The following PLCB1 variants were observed in gnomAD, a reference collection of about 807,000 sequenced individuals.
PLCB1 encodes phospholipase C beta 1.
In PLCB1, 46 loss-of-function variants were observed where a neutral mutation model predicts 161.8. The ratio of observed to expected loss-of-function variants is 0.28; its 90% CI spans 0.22 to 0.36. The LOEUF is 0.36. Among genes scored for constraint, PLCB1 ranks in the 10% least tolerant of loss-of-function variants. The probability of loss-of-function intolerance (pLI) is 1.00; values close to 1 mark genes in which losing one functional copy is unlikely to be tolerated. For synonymous variants in PLCB1, 517 were observed against 503.7 expected, an observed-to-expected ratio of 1.03 and a Z score of -0.35; for missense variants, 1,016 against 1,472.5, an observed-to-expected ratio of 0.69 and a Z score of 5.07.
At chr20:8,803,264 C>T (rs912045304) in intron 31 of PLCB1, among the ~76,000 whole-genome samples, 3 of 151,740 alleles carry the variant, frequency 2.0e-5, no homozygotes, top group African/African-American at 7.3e-5. Context: ...CTAAGTAGCT[C>T]CCAGGGGATG....
At chr20:8,686,124 G>A (rs6056006) in intron 10 of PLCB1, among the ~76,000 whole-genome samples, 75,532 of 151,984 alleles carry the variant, frequency 0.5, 19,694 homozygotes, top group South Asian at 0.58. Context: ...CACAGATCTT[G>A]CTAGTGACTT....
intron 2 of PLCB1, among the ~76,000 whole-genome samples, chr20:8,163,210 A>G (rs1370345489): frequency 6.6e-6 from 1 of 152,222 alleles, no homozygotes. Context: ...ACCATGGTGT[A>G]CAAGTGAAGC....
At chr20:8,438,829 T>G (rs1980422732) in intron 3 of PLCB1, among the ~76,000 whole-genome samples, 1 of 152,196 alleles carries the variant, frequency 6.6e-6, no homozygotes, top group Non-Finnish European at 1.5e-5. Flanking sequence ...CCTCAGAAAG[T>G]GGCCACTGGT....
intron 4 of PLCB1, chr20:8,628,647 C>G: frequency 1.9e-6 from 1 of 520,448 alleles, no homozygotes; most frequent in Non-Finnish European, 3.4e-6. Context: ...AAAGAATAAG[C>G]CATTTGGCCG....
intron 2 of PLCB1, among the ~76,000 whole-genome samples, chr20:8,196,717 G>A (rs907584418): frequency 6.6e-6 from 1 of 151,284 alleles, no homozygotes; most frequent in Non-Finnish European, 1.5e-5. Flanking sequence ...TGTGCACAAC[G>A]TGCAGGTTTG....
At chr20:8,521,454 A>G (rs959958958) in intron 3 of PLCB1, among the ~76,000 whole-genome samples, 3 of 152,204 alleles carry the variant, frequency 2.0e-5, no homozygotes, top group Admixed American at 6.5e-5. Context: ...CTGTAATCCC[A>G]GCACTTTGAG....
rs1203817532 is a variant in PLCB1 at position 8,654,624 on chromosome 20, CAAAG to C, written c.595-2556_595-2553del. Among the ~76,000 whole-genome samples the C allele has an allele frequency of 2.0e-5, 3 of 151,952 alleles. No individual in the cohort carries two copies. The South Asian group carries it at 6.2e-4, about 31-fold the overall frequency. ...GATAGATAAAGGGAGACTGTGAACA[CAAAG>C]AAAAAGTAGTGTCATGTCTAGCTGA... On this transcript the variant is annotated intron_variant, in intron 7 of 31. Coordinates refer to ENST00000338037, the MANE Select transcript of PLCB1 (RefSeq NM_015192.4).
intron 1 of PLCB1, among the ~76,000 whole-genome samples, chr20:8,139,087 T>G (rs2051377032): frequency 7.8e-6 from 1 of 128,860 alleles, no homozygotes; most frequent in Non-Finnish European, 1.6e-5. Flanking sequence ...AAGGGTTTTT[T>G]TTTTTTTTTT....
At chr20:8,674,635 C>T (rs566927116) in intron 9 of PLCB1, among the ~76,000 whole-genome samples, 1 of 152,264 alleles carries the variant, frequency 6.6e-6, no homozygotes, top group African/African-American at 2.4e-5. Flanking sequence ...CTTGGGAATA[C>T]CAGCAGCAAC....
At chr20:8,786,377 T>C (rs985365187) in intron 27 of PLCB1, among the ~76,000 whole-genome samples, 6 of 152,216 alleles carry the variant, frequency 3.9e-5, no homozygotes, top group African/African-American at 1.4e-4. Flanking sequence ...CAATCCCTTT[T>C]GAATGATCAA....
At chr20:8,326,963 G>A (rs1342592434) in intron 2 of PLCB1, among the ~76,000 whole-genome samples, 1 of 152,210 alleles carries the variant, frequency 6.6e-6, no homozygotes, top group Admixed American at 6.5e-5. Context: ...ATGATTCACT[G>A]TAGCCCCAAC....
chr20:8,233,801 T>G (rs1213266255), intron 2 of PLCB1, among the ~76,000 whole-genome samples: 1 of 152,178 alleles, frequency 6.6e-6, no homozygotes, highest in Non-Finnish European at 1.5e-5. Flanking sequence ...AGATAAGCTG[T>G]GCCTGTTTTA....
chr20:8,571,850 G>A (rs934920194), intron 3 of PLCB1, among the ~76,000 whole-genome samples: 1 of 152,118 alleles, frequency 6.6e-6, no homozygotes, highest in African/African-American at 2.4e-5. Context: ...TAGTCATTAG[G>A]GCTGATTACA....
chr20:8,421,957 G>A (rs1979554541), intron 3 of PLCB1, among the ~76,000 whole-genome samples: 1 of 152,182 alleles, frequency 6.6e-6, no homozygotes, highest in South Asian at 2.1e-4. Flanking sequence ...GACCTGCTGA[G>A]GAAATGTCTT....
chr20:8,634,539 G>A lies in PLCB1; in HGVS notation c.384+6108G>A, dbSNP rs139974956. Among the ~76,000 whole-genome samples the A allele has an allele frequency of 2.7e-3, 413 of 152,194 alleles. 2 individuals carry two copies. Among genetic ancestry groups the A allele is most frequent in the African/African-American group, 9.5e-3 (395 of 41,516 alleles). On this transcript the variant is annotated intron_variant, in intron 4 of 31. Transcript: ENST00000338037. ...TGCTCCCCATTCTTCCTGCCATCTT[G>A]TTAAGCCCTTGACAGGTCTCATGGA...
At chr20:8,263,503 C>G (rs1981811107) in intron 2 of PLCB1, among the ~76,000 whole-genome samples, 1 of 152,046 alleles carries the variant, frequency 6.6e-6, no homozygotes, top group Non-Finnish European at 1.5e-5. Flanking sequence ...TAATTCTTTC[C>G]TTATTATATA....
chr20:8,667,363 A>G (rs1989838526), intron 9 of PLCB1, among the ~76,000 whole-genome samples: 1 of 152,346 alleles, frequency 6.6e-6, no homozygotes, highest in South Asian at 2.1e-4. Context: ...CATGTTTGGT[A>G]TGTTCATAGA....
chr20:8,662,019 A>AATTATATAATTATATAATTATTTATT (rs1989650427), intron 9 of PLCB1, among the ~76,000 whole-genome samples: 1 of 17,558 alleles, frequency 5.7e-5, no homozygotes, highest in African/African-American at 1.9e-4. Context: ...AATTATATAT[A>AATTATATAATTATATAATTATTTATT]ATATACAATT....
intron 31 of PLCB1, among the ~76,000 whole-genome samples, chr20:8,829,428 T>TA (rs1985875479): frequency 6.6e-6 from 1 of 152,220 alleles, no homozygotes. Context: ...GTGCTTGGAA[T>TA]ATGAGCACTT....
Sources: allele counts gnomAD v4.1 joint callset (sites outside exome capture counted in the v4.1 genomes callset), GRCh38; gene constraint gnomAD v4.1.1; transcripts MANE v1.5; gene names NCBI Gene and HGNC (gene_info 2026-07-23, HGNC 2026-07-21).